STK32A: variants seen among roughly 807,000 people sequenced by gnomAD.
The protein encoded by STK32A is serine/threonine kinase 32A, also known as serine/threonine-protein kinase 32A.
A neutral mutation model predicts 53.2 loss-of-function variants in STK32A; 41 were observed. That is an observed-to-expected ratio of 0.77 (90% CI 0.60 to 1.00). The LOEUF is 1.00. Among genes scored for constraint, STK32A ranks in the 50% least tolerant of loss-of-function variants. The pLI is 0.00. For missense variants in STK32A, 458 were observed against 485.8 expected, an observed-to-expected ratio of 0.94 and a Z score of 0.54; for synonymous variants, 166 against 162.8, an observed-to-expected ratio of 1.02 and a Z score of -0.15.
At chr5:147,315,817 A>C (rs1192074021) in intron 4 of STK32A, among the ~76,000 whole-genome samples, 1 of 152,208 alleles carries the variant, frequency 6.6e-6, no homozygotes, top group East Asian at 1.9e-4. Context: ...TAACAGCACG[A>C]CTTTTCTCAG....
In STK32A at chr5:147,387,377, G is replaced by A. The variant is rs1415905955; in HGVS notation, c.*3394G>A. Reference sequence around the variant, plus strand: ...TTAATTACAGTAATCTAATTAATTAGTAGCTAGGCTTCTTCTGATAGGAAA... The same window carrying A: ...TTAATTACAGTAATCTAATTAATTAATAGCTAGGCTTCTTCTGATAGGAAA... On this transcript the variant is annotated 3_prime_UTR_variant, in exon 13 of 13. Transcript: ENST00000397936. 6.6e-6 allele frequency: 1 copy of A among 152,250 alleles called. No homozygotes were observed. Among genetic ancestry groups the A allele is most frequent in the East Asian group, 1.9e-4 (1 of 5,204 alleles). The allele number at this position is 152,250 out of a possible 1,614,324, so 9.4% of individuals were successfully genotyped here.
At chr5:147,374,563 A>G (rs1757149532) in intron 10 of STK32A, among the ~76,000 whole-genome samples, 1 of 152,088 alleles carries the variant, frequency 6.6e-6, no homozygotes, top group African/African-American at 2.4e-5. Flanking sequence ...TAGGCACCCC[A>G]ACTCTTGCTT....
At chr5:147,262,887 A>G (rs1041019851) in intron 2 of STK32A, among the ~76,000 whole-genome samples, 9 of 152,216 alleles carry the variant, frequency 5.9e-5, no homozygotes, top group African/African-American at 2.2e-4. Flanking sequence ...GGGAATTGGC[A>G]CTGTCACGTG....
rs749607830 is a variant in STK32A at position 147,288,055 on chromosome 5, G to A, written c.260+8657G>A. On this transcript the variant is annotated intron_variant, in intron 4 of 12. Coordinates refer to ENST00000397936, the MANE Select transcript of STK32A (RefSeq NM_001112724.2). Reference sequence around the variant, plus strand: ...TTGGTGTCATTCCAGACAACATTCTGTTCTCCATGCATACTGACCTGGTGA... The same window carrying A: ...TTGGTGTCATTCCAGACAACATTCTATTCTCCATGCATACTGACCTGGTGA... Among the ~76,000 whole-genome samples, 5 of 152,192 alleles carry A rather than the reference G, an allele frequency of 3.3e-5. No homozygotes were observed. The East Asian group carries it at 5.8e-4, about 18-fold the overall frequency.
chr5:147,259,951 CCTCT>C (rs749863960), intron 2 of STK32A, among the ~76,000 whole-genome samples: 15 of 144,256 alleles, frequency 1.0e-4, no homozygotes, highest in Admixed American at 6.9e-5. Context: ...CTCTCTCTCT[CCTCT>C]CTGTCTCTCT....
At chr5:147,394,155 A>G in the STK32A span, 6 of 1,610,228 alleles carry the variant, frequency 3.7e-6, no homozygotes, top group Non-Finnish European at 5.1e-6. Context: ...CAGGGGGAAA[A>G]AAAAAACAGA....
rs961835846 is a variant in STK32A at position 147,370,575 on chromosome 5, T to C, written c.661-79T>C. 3.5e-6 allele frequency: 3 copies of C among 864,256 alleles called. No homozygotes were observed. The African/African-American group carries it at 5.1e-5, about 15-fold the overall frequency. The allele number at this position is 864,256 out of a possible 1,614,324, so 53.5% of individuals were successfully genotyped here. On this transcript the variant is annotated intron_variant, in intron 8 of 12. Coordinates refer to ENST00000397936, the MANE Select transcript of STK32A (RefSeq NM_001112724.2). ...TATAGATATTTTATCGGTTGAAAGT[T>C]TAGCTTGGAAACATTTGGAAATTTT...
At position 147,332,240 on chromosome 5, in the gene STK32A, T is replaced by A. The variant is rs561839694; in HGVS notation, c.434+8169T>A. On this transcript the variant is annotated intron_variant, in intron 5 of 12. Transcript: ENST00000397936. ...CTAAACCAAGAGAATATTCAGTAAG[T>A]CAAGTCCATTGGCTTTAGTATAGGG... is the stretch of plus-strand genomic sequence containing the variant. 2.0e-5 allele frequency among the ~76,000 whole-genome samples: 3 copies of A among 152,248 alleles called. No individual in the cohort carries two copies. In the South Asian group the frequency reaches 6.2e-4, roughly 32 times the overall value.
intron 4 of STK32A, among the ~76,000 whole-genome samples, chr5:147,293,100 G>A (rs994562497): frequency 6.6e-6 from 1 of 152,064 alleles, no homozygotes; most frequent in African/African-American, 2.4e-5. Flanking sequence ...TTGGACTGTA[G>A]CTGATTATAA....
At chr5:147,396,212 C>A in the STK32A span, among the ~76,000 whole-genome samples, 1 of 152,178 alleles carries the variant, frequency 6.6e-6, no homozygotes, top group African/African-American at 2.4e-5. Flanking sequence ...CTCTTCAGCA[C>A]ACACCAGGGT....
chr5:147,284,711 A>C (rs984617125), intron 4 of STK32A, among the ~76,000 whole-genome samples: 2 of 151,646 alleles, frequency 1.3e-5, no homozygotes. Flanking sequence ...AAACAACAAA[A>C]AAAAAACAAA....
At position 147,383,538 on chromosome 5, in the gene STK32A, A is replaced by C. The variant is rs751040975; in HGVS notation, c.1097+33A>C. 1.2e-5 allele frequency: 18 copies of C among 1,503,566 alleles called. No individual in the cohort carries two copies. In the African/African-American group the frequency reaches 2.4e-4, roughly 20 times the overall value. The allele number at this position is 1,503,566 out of a possible 1,614,324, so 93.1% of individuals were successfully genotyped here. On this transcript the variant is annotated intron_variant, in intron 12 of 12. Transcript: ENST00000397936. ...ATTCCTGGGAGAACAACAGCCCCAG[A>C]AATGGTGGCATGTTTCAGCCAGACT...
intron 5 of STK32A, among the ~76,000 whole-genome samples, chr5:147,332,569 T>TA (rs752679722): frequency 3.9e-5 from 6 of 152,200 alleles, no homozygotes; most frequent in Non-Finnish European, 8.8e-5. Context: ...TGCAGTGGAA[T>TA]AATAGACTTT....
chr5:147,384,226 C>A lies in STK32A; in HGVS notation c.*243C>A. On this transcript the variant is annotated 3_prime_UTR_variant, in exon 13 of 13. Coordinates refer to ENST00000397936, the MANE Select transcript of STK32A (RefSeq NM_001112724.2). ...TCACTTAGCCACTTTCTGTGCTTTA[C>A]TTTATTTATCTAAAATGAGAGGGTT... 1 of 1,358,244 alleles carries A rather than the reference C, an allele frequency of 7.4e-7. No individual in the cohort carries two copies. Among genetic ancestry groups the A allele is most frequent in the Non-Finnish European group, 9.5e-7 (1 of 1,047,678 alleles). The allele number at this position is 1,358,244 out of a possible 1,614,324, so 84.1% of individuals were successfully genotyped here. A position where few individuals can be genotyped will look rare whatever the true frequency, so the allele number is the denominator to read the frequency against.
intron 5 of STK32A, among the ~76,000 whole-genome samples, chr5:147,339,663 G>C (rs1755308129): frequency 6.6e-6 from 1 of 152,276 alleles, no homozygotes; most frequent in Admixed American, 6.5e-5. Flanking sequence ...CAGAGGTGGA[G>C]CTGCCCAAGG....
In STK32A at chr5:147,385,205, A is replaced by G. The variant is rs773608962; in HGVS notation, c.*1222A>G. The G allele has an allele frequency of 6.6e-6, 1 of 152,116 alleles. No homozygotes were observed. The highest frequency in any genetic ancestry group is 1.5e-5 in the Non-Finnish European group (1 of 68,044). The allele number at this position is 152,116 out of a possible 1,614,324, so 9.4% of individuals were successfully genotyped here. On this transcript the variant is annotated 3_prime_UTR_variant, in exon 13 of 13. Transcript: ENST00000397936. ...ACCCAGGCTGGAGTGCAGTGGCATG[A>G]TCTCTGCTCACTACATCTGCCTCCC...
intron 7 of STK32A, among the ~76,000 whole-genome samples, chr5:147,357,744 ACT>A (rs1458968896): frequency 6.6e-6 from 1 of 151,864 alleles, no homozygotes; most frequent in Non-Finnish European, 1.5e-5. Flanking sequence ...TTTTTACTTA[ACT>A]CAGTTGTATA....
intron 2 of STK32A, among the ~76,000 whole-genome samples, chr5:147,258,620 CT>C (rs1754346175): frequency 6.6e-6 from 1 of 151,992 alleles, no homozygotes; most frequent in Non-Finnish European, 1.5e-5. Context: ...CTTTAAACAA[CT>C]AGTTAATTTA....
At chr5:147,383,785 C>T in intron 12 of STK32A, 105 bp from the exon 13 acceptor site, 7 of 1,101,016 alleles carry the variant, frequency 6.4e-6, no homozygotes, top group Non-Finnish European at 7.5e-6. Flanking sequence ...TTCCTTGGCT[C>T]ATGCTTATTT....
Sources: gnomAD v4.1 joint callset for allele counts (sites outside exome capture counted in the v4.1 genomes callset) on GRCh38, gnomAD v4.1.1 for gene constraint, MANE v1.5 for transcripts, NCBI Gene and HGNC (gene_info 2026-07-23, HGNC 2026-07-21) for gene names.